ADAMTS16: variants seen among roughly 807,000 people sequenced by gnomAD.
The protein encoded by ADAMTS16 is A disintegrin and metalloproteinase with thrombospondin motifs 16.
A neutral mutation model predicts 145.8 loss-of-function variants in ADAMTS16; 94 were observed. The observed-to-expected ratio is 0.64, with a 90% CI of 0.55 to 0.77. The LOEUF is 0.77. Ranked by LOEUF, ADAMTS16 falls within the 30% of genes least tolerant of loss-of-function variation. ADAMTS16 has a pLI of 0.00. For missense variants in ADAMTS16, 1,585 were observed against 1,591.5 expected (o/e 1.00, Z 0.07); for synonymous variants, 659 against 604.3 (o/e 1.09, Z -1.33).
chr5:5,268,862 G>A (rs1738357948), intron 18 of ADAMTS16, among the ~76,000 whole-genome samples: 1 of 152,178 alleles, frequency 6.6e-6, no homozygotes, highest in Non-Finnish European at 1.5e-5. Flanking sequence ...ACCTTCTAGG[G>A]GAGTAGAGGG....
Position 5,187,783 on chromosome 5 carries a change from G to A in ADAMTS16, c.1022G>A (p.Gly341Asp). The A allele has an allele frequency of 1.2e-6, 2 of 1,609,756 alleles. No homozygotes were observed. The highest frequency in any genetic ancestry group is 1.1e-5 in the South Asian group (1 of 90,852). Residue 341 changes from glycine (G) to aspartate (D), a missense_variant, in exon 6 of 23, where the codon GGT (glycine) becomes GAT (aspartate). By Grantham distance (94) the Gly-to-Asp change is moderately conservative. Transcript: ENST00000274181. ...GGAAACATCAACATTGCAATTGTAG[G>A]TCTGATTCTTCTAGAAGATGAACAG... ...IGGNINIAIVGLILLEDEQPG... is the reference protein window; with the variant it reads ...IGGNINIAIVDLILLEDEQPG...
chr5:5,219,109 G>A lies in ADAMTS16; in HGVS notation c.1606-3680G>A, dbSNP rs141210655. Among the ~76,000 whole-genome samples, 744 of 151,974 alleles carry A rather than the reference G, an allele frequency of 4.9e-3. 5 individuals are homozygous for A. Among genetic ancestry groups the A allele is most frequent in the African/African-American group, 0.017 (707 of 41,440 alleles). ...GGCCTGAGTGTGGAGCCCTCTCCAG[G>A]GACCCCCCCTTCTCTACTCAGCAAC... On this transcript the variant is annotated intron_variant, in intron 10 of 22. Transcript: ENST00000274181.
chr5:5,288,149 A>G (rs1739171868), intron 18 of ADAMTS16, among the ~76,000 whole-genome samples: 1 of 152,236 alleles, frequency 6.6e-6, no homozygotes, highest in South Asian at 2.1e-4. Flanking sequence ...CACGTCTGTA[A>G]TAGAATGGGA....
chr5:5,165,240 A>C (rs749763191), intron 3 of ADAMTS16, among the ~76,000 whole-genome samples: 2 of 152,022 alleles, frequency 1.3e-5, no homozygotes, highest in Non-Finnish European at 2.9e-5. Context: ...GCCAAGTATA[A>C]TGTGTTTGGA....
chr5:5,189,609 A>G (rs1161210131), intron 6 of ADAMTS16, among the ~76,000 whole-genome samples: 3 of 152,250 alleles, frequency 2.0e-5, no homozygotes, highest in Non-Finnish European at 4.4e-5. Context: ...ATGTATGTAC[A>G]AAGCCATGTA....
chr5:5,214,097 G>A (rs1736352843), intron 10 of ADAMTS16, among the ~76,000 whole-genome samples: 1 of 152,256 alleles, frequency 6.6e-6, no homozygotes, highest in East Asian at 1.9e-4. Context: ...GGGCAAATGC[G>A]GCGTTCATTC....
chr5:5,315,269 C>T (rs1311934852), intron 21 of ADAMTS16, among the ~76,000 whole-genome samples: 1 of 152,164 alleles, frequency 6.6e-6, no homozygotes, highest in Non-Finnish European at 1.5e-5. Context: ...TACTGCCCTC[C>T]TGGTCATGCG....
intron 11 of ADAMTS16, among the ~76,000 whole-genome samples, chr5:5,223,916 T>C (rs561913323): frequency 1.7e-4 from 26 of 151,944 alleles, no homozygotes; most frequent in Admixed American, 3.9e-4. Flanking sequence ...TGATCTAGTA[T>C]GGTGTTTGAA....
intron 4 of ADAMTS16, among the ~76,000 whole-genome samples, chr5:5,183,594 A>G (rs1388902289): frequency 1.3e-5 from 2 of 152,200 alleles, no homozygotes; most frequent in Non-Finnish European, 2.9e-5. Context: ...GCCACAGTGG[A>G]CCTTGAAAAC....
chr5:5,204,278 G>C (rs1736032476), intron 9 of ADAMTS16, among the ~76,000 whole-genome samples: 1 of 152,174 alleles, frequency 6.6e-6, no homozygotes, highest in Admixed American at 6.5e-5. Flanking sequence ...TTGAAATGTT[G>C]TAATGATACT....
chr5:5,208,675 A>C (rs145664210), intron 9 of ADAMTS16, among the ~76,000 whole-genome samples: 13 of 152,328 alleles, frequency 8.5e-5, no homozygotes, highest in African/African-American at 2.9e-4. Context: ...GCAAAGAAAC[A>C]AAGAAAGTTC....
chr5:5,234,969 A>T (rs758694560), intron 12 of ADAMTS16, 45 bp from the exon 13 acceptor site: 3 of 1,460,718 alleles, frequency 2.1e-6, no homozygotes, highest in South Asian at 1.5e-5. Context: ...AGAATTTAGT[A>T]GCTACTAAAA....
At chr5:5,297,328 G>A (rs542343090) in intron 18 of ADAMTS16, among the ~76,000 whole-genome samples, 1 of 152,298 alleles carries the variant, frequency 6.6e-6, no homozygotes, top group South Asian at 2.1e-4. Flanking sequence ...GAAAAAAGTA[G>A]AGTGCGTTGC....
intron 9 of ADAMTS16, 117 bp from the exon 10 acceptor site, chr5:5,208,963 AAAAAAGTTCTCCT>A (rs1394614401): frequency 1.0e-6 from 1 of 955,506 alleles, no homozygotes; most frequent in Non-Finnish European, 1.5e-6. Flanking sequence ...ACTCAGGAGA[AAAAAAGTTCTCCT>A]CTTTGTATAC....
At chr5:5,255,146 C>A (rs1405577122) in intron 17 of ADAMTS16, among the ~76,000 whole-genome samples, 1 of 151,796 alleles carries the variant, frequency 6.6e-6, no homozygotes, top group Non-Finnish European at 1.5e-5. Flanking sequence ...AAAAGAGTAT[C>A]CCATTAGATT....
At chr5:5,214,066 A>G (rs1736351291) in intron 10 of ADAMTS16, among the ~76,000 whole-genome samples, 1 of 152,198 alleles carries the variant, frequency 6.6e-6, no homozygotes, top group South Asian at 2.1e-4. Context: ...GGGTCTGCAA[A>G]GTGCTCCCAG....
chr5:5,222,965 T>A, intron 11 of ADAMTS16, 81 bp downstream of exon 11: 2 of 1,255,956 alleles, frequency 1.6e-6, no homozygotes, highest in Non-Finnish European at 2.3e-6. Flanking sequence ...CTTGCATAGG[T>A]ATTTTTAAAA....
chr5:5,264,401 A>G (rs556060236), intron 18 of ADAMTS16, among the ~76,000 whole-genome samples: 31 of 152,192 alleles, frequency 2.0e-4, no homozygotes, highest in Non-Finnish European at 4.4e-4. Context: ...AAGACTTAAT[A>G]CAAGATAATC....
rs773546197 is a variant in ADAMTS16 at position 5,264,830 on chromosome 5, T to C, written c.2789+2047T>C. 2.2e-4 allele frequency among the ~76,000 whole-genome samples: 34 copies of C among 152,314 alleles called. No homozygotes were observed. In the South Asian group the frequency reaches 3.3e-3, roughly 15 times the overall value. ...GCTTAAGATGCAGCACACTGAGGCA[T>C]GGGACACCCTCTGGGGGACCTTCCC... is the stretch of plus-strand genomic sequence containing the variant. On this transcript the variant is annotated intron_variant, in intron 18 of 22. Transcript: ENST00000274181.
Sources: gnomAD v4.1 joint callset for allele counts (sites outside exome capture counted in the v4.1 genomes callset) on GRCh38, gnomAD v4.1.1 for gene constraint, MANE v1.5 for transcripts, NCBI Gene and HGNC (gene_info 2026-07-23, HGNC 2026-07-21) for gene names.